GYS1: variants seen among roughly 807,000 people sequenced by gnomAD.
GYS1 encodes glycogen synthase 1.
A neutral mutation model predicts 89.1 loss-of-function variants in GYS1; 60 were observed. The ratio of observed to expected loss-of-function variants is 0.67; its 90% CI spans 0.55 to 0.84. The LOEUF is 0.84. GYS1 is among the 40% of genes least tolerant of loss of function. The pLI is 0.00. For missense variants in GYS1, 888 were observed against 1,003.1 expected (o/e 0.89, Z 1.55); for synonymous variants, 366 against 401.7 (o/e 0.91, Z 1.06).
chr19:48,992,778 C>T (rs2038958367), intron 1 of GYS1, among the ~76,000 whole-genome samples: 1 of 152,124 alleles, frequency 6.6e-6, no homozygotes, highest in African/African-American at 2.4e-5. Context: ...TTCCCTAGGA[C>T]CCAGAACCCG....
At chr19:48,976,835 G>A (rs1258413871) in intron 10 of GYS1, among the ~76,000 whole-genome samples, 1 of 146,648 alleles carries the variant, frequency 6.8e-6, no homozygotes, top group Non-Finnish European at 1.5e-5. Context: ...CATAATCATA[G>A]CTCACTGCAG....
chr19:48,969,731 A>G (rs2038524926), intron 15 of GYS1, 44 bp downstream of exon 15: 2 of 1,597,594 alleles, frequency 1.3e-6, no homozygotes, highest in South Asian at 1.1e-5. Context: ...ACCGAAGCCC[A>G]GCCCTTTAGC....
chr19:48,970,124 T>A (rs531631267), intron 14 of GYS1, among the ~76,000 whole-genome samples: 60 of 152,104 alleles, frequency 3.9e-4, no homozygotes, highest in Non-Finnish European at 8.4e-4. Context: ...GCCTGACCAA[T>A]GTTCTTTTTT....
chr19:48,982,384 C>A lies in GYS1; in HGVS notation c.942-9G>T. 1.9e-6 allele frequency: 3 copies of A among 1,613,692 alleles called. No homozygotes were observed. Among genetic ancestry groups the A allele is most frequent in the Non-Finnish European group, 2.5e-6 (3 of 1,179,802 alleles). On this transcript the variant is annotated splice_polypyrimidine_tract_variant and intron_variant, in intron 6 of 15. Coordinates refer to ENST00000323798, the MANE Select transcript of GYS1 (RefSeq NM_002103.5). ...AGTTGAAGTCCAGATGCCTAAAGAA[C>A]CCACAAGGCACGGTAAAGCCCAAAG... is the stretch of plus-strand genomic sequence containing the variant.
At chr19:48,988,476 G>A (rs1308556293) in intron 2 of GYS1, among the ~76,000 whole-genome samples, 5 of 152,028 alleles carry the variant, frequency 3.3e-5, no homozygotes, top group Non-Finnish European at 7.4e-5. Context: ...GGGCCACCAT[G>A]CCAGGCTGAT....
chr19:48,968,680 T>C lies in GYS1; in HGVS notation c.*608A>G, dbSNP rs1345634338. 1.8e-5 allele frequency: 8 copies of C among 454,006 alleles called. No homozygotes were observed. Among genetic ancestry groups the C allele is most frequent in the Non-Finnish European group, 3.5e-5 (8 of 226,804 alleles). 28.1% of individuals were successfully genotyped at this position (454,006 alleles called of 1,614,324 possible). On this transcript the variant is annotated 3_prime_UTR_variant, in exon 16 of 16. Coordinates refer to ENST00000323798, the MANE Select transcript of GYS1 (RefSeq NM_002103.5). ...AGTGTAGGGGATGACAGGAGCCGGA[T>C]GGAGGGATCCTCCAGGCAGAGCCTG...
At chr19:48,979,972 TCTCA>T (rs2038732225) in intron 8 of GYS1, among the ~76,000 whole-genome samples, 1 of 151,642 alleles carries the variant, frequency 6.6e-6, no homozygotes, top group Non-Finnish European at 1.5e-5. Flanking sequence ...TGAGACAGAG[TCTCA>T]CTCTGTTGCC....
At chr19:48,971,138 G>A (rs2038559451) in intron 12 of GYS1, 115 bp from the exon 13 acceptor site, 1 of 767,302 alleles carries the variant, frequency 1.3e-6, no homozygotes, top group Non-Finnish European at 2.4e-6. Context: ...GCCAGGCGCT[G>A]TGCGGAGCGT....
chr19:48,969,950 G>C, intron 14 of GYS1, 95 bp from the exon 15 acceptor site: 1 of 789,540 alleles, frequency 1.3e-6, no homozygotes, highest in Non-Finnish European at 2.2e-6. Flanking sequence ...TTATGCAGAT[G>C]AGCACACTGC....
intron 12 of GYS1, 147 bp downstream of exon 12, chr19:48,974,066 C>T: frequency 1.2e-6 from 1 of 841,864 alleles, no homozygotes. Context: ...ATCACAAAAG[C>T]ACGCGCTGTA....
In GYS1 at chr19:48,985,472, T is replaced by C; in HGVS notation, c.812A>G (p.Lys271Arg). Reference protein sequence around the residue: ...ITAIEAQHLLKRKPDIVTPNG... With the variant: ...ITAIEAQHLLRRKPDIVTPNG... ...AGCCCAGCCCCTACCTGGTTTCCTC[T>C]TGAGCAAGTGCTGTGCCTCGATGGC... Residue 271 changes from lysine to arginine, a missense_variant, in exon 5 of 16, where the codon AAG becomes AGG. Lys to Arg is a conservative substitution (Grantham distance 26). Coordinates refer to ENST00000323798, the MANE Select transcript of GYS1 (RefSeq NM_002103.5). The C allele has an allele frequency of 6.2e-7, 1 of 1,613,860 alleles. No individual in the cohort carries two copies.
chr19:48,975,685 T>C (rs1463554955), intron 10 of GYS1, among the ~76,000 whole-genome samples: 1 of 151,554 alleles, frequency 6.6e-6, no homozygotes, highest in South Asian at 2.1e-4. Context: ...CCCAGCACTC[T>C]GGGAGGCCGA....
intron 2 of GYS1, 127 bp from the exon 3 acceptor site, chr19:48,987,512 G>T (rs996261253): frequency 3.0e-6 from 2 of 667,826 alleles, no homozygotes; most frequent in South Asian, 2.1e-5. Context: ...CTTATCTTCT[G>T]TTTCCATATC....
chr19:48,971,793 T>G (rs1431074089), intron 12 of GYS1, among the ~76,000 whole-genome samples: 2 of 151,514 alleles, frequency 1.3e-5, no homozygotes, highest in Non-Finnish European at 2.9e-5. Flanking sequence ...TGACCTCAGG[T>G]GATCCATCCG....
chr19:48,977,929 T>G lies in GYS1; in HGVS notation c.1303A>C (p.Thr435Pro). Reference protein sequence around the residue: ...FTMMKRAIFATQRQSFPPVCT... With the variant: ...FTMMKRAIFAPQRQSFPPVCT... ...CACAGAGGTCCAATCCATACCTGCG[T>G]TGCAAAGATGGCTCTCTTCATCATA... The change falls in exon 10 of 16, where the codon ACG (threonine) becomes CCG (proline). Residue 435 changes from threonine (T) to proline (P), a missense_variant. By Grantham distance (38) the Thr-to-Pro change is conservative (BLOSUM62 -1). Coordinates refer to ENST00000323798, the MANE Select transcript of GYS1 (RefSeq NM_002103.5). 3 of 1,612,854 alleles carry G rather than the reference T, an allele frequency of 1.9e-6. No homozygotes were observed. The highest frequency in any genetic ancestry group is 2.5e-6 in the Non-Finnish European group (3 of 1,178,846).
At position 48,985,859 on chromosome 19, in the gene GYS1, G is replaced by A. The variant is rs752280761; in HGVS notation, c.669C>T (p.Asn223=). The part of the protein sequence containing the change: ...LCAGAVDFYN[N]LENFNVDKEA... ...CACGGTCCCAGCTCACGTTCTCCAG[G>A]TTGTTGTAGAAGTCCACGGCACCGG... The change falls in exon 4 of 16, where the codon AAC becomes AAT. Residue 223 remains asparagine, a synonymous_variant. Coordinates refer to ENST00000323798, the MANE Select transcript of GYS1 (RefSeq NM_002103.5). 3.1e-6 allele frequency: 5 copies of A among 1,613,402 alleles called. No homozygotes were observed. In the East Asian group the frequency reaches 6.7e-5, roughly 22 times the overall value.
intron 7 of GYS1, 70 bp downstream of exon 7, chr19:48,982,185 G>A (rs774235524): frequency 1.1e-5 from 16 of 1,502,520 alleles, no homozygotes; most frequent in Non-Finnish European, 1.5e-5. Context: ...GAGCCACTGT[G>A]CCTGGCTGTT....
intron 14 of GYS1, 142 bp downstream of exon 14, chr19:48,970,404 G>C: frequency 1.4e-6 from 1 of 722,766 alleles, no homozygotes; most frequent in East Asian, 2.7e-5. Context: ...ACAACCATGA[G>C]CCACCATCGC....
chr19:48,982,965 G>A (rs2038789817), intron 5 of GYS1, 128 bp from the exon 6 acceptor site: 2 of 737,852 alleles, frequency 2.7e-6, no homozygotes, highest in African/African-American at 1.8e-5. Flanking sequence ...TTCCTATGAG[G>A]TCCCCCCTCC....
Sources: gnomAD v4.1 joint callset for allele counts (sites outside exome capture counted in the v4.1 genomes callset) on GRCh38, gnomAD v4.1.1 for gene constraint, MANE v1.5 for transcripts, NCBI Gene and HGNC (gene_info 2026-07-23, HGNC 2026-07-21) for gene names.